The following FLRT2 variants were observed in gnomAD, a reference collection of about 807,000 sequenced individuals.
The protein encoded by FLRT2 is leucine-rich repeat transmembrane protein FLRT2.
Under a neutral mutation model 40.0 loss-of-function variants are expected in FLRT2, and 15 were observed. That is an observed-to-expected ratio of 0.38 (90% CI 0.25 to 0.58). FLRT2 has a LOEUF of 0.58. Among genes scored for constraint, FLRT2 ranks in the 20% least tolerant of loss-of-function variants. The pLI is 0.71. For missense variants in FLRT2, 726 were observed against 840.0 expected (o/e 0.86, Z 1.68); for synonymous variants, 380 against 336.8 (o/e 1.13, Z -1.41).
intron 1 of FLRT2, among the ~76,000 whole-genome samples, chr14:85,545,569 T>G (rs1889233786): frequency 6.6e-6 from 1 of 152,224 alleles, no homozygotes. Flanking sequence ...TCTATATTTG[T>G]CTTTTCGAGT....
At chr14:85,560,325 T>C (rs111750710) in intron 1 of FLRT2, among the ~76,000 whole-genome samples, 31 of 152,194 alleles carry the variant, frequency 2.0e-4, no homozygotes, top group African/African-American at 7.0e-4. Context: ...ATGACTGTAA[T>C]CCCAGCACTT....
In FLRT2 at chr14:85,633,774, T is replaced by C. The variant is rs1023796581; in HGVS notation, c.*10277T>C. On this transcript the variant is annotated 3_prime_UTR_variant, in exon 2 of 2. Transcript: ENST00000330753. ...CTGATTGTGCCACTGCACTCCAGCT[T>C]AGGCAACTGAGCAAGACCCTGTCTC... The C allele has an allele frequency of 6.6e-6, 1 of 150,760 alleles. No individual in the cohort carries two copies. Among genetic ancestry groups the C allele is most frequent in the Non-Finnish European group, 1.5e-5 (1 of 67,806 alleles). The allele number at this position is 150,760 out of a possible 1,614,324, so 9.3% of individuals were successfully genotyped here.
rs112052486 is a variant in FLRT2, at chr14:85,543,358, A to G, written c.-377+12824A>G. 3.9e-3 allele frequency among the ~76,000 whole-genome samples: 594 copies of G among 152,176 alleles called. 4 individuals carry two copies. The highest frequency in any genetic ancestry group is 0.014 in the African/African-American group (575 of 41,528). Reference sequence around the variant, plus strand: ...AAAGTTTTTCTGTGTATTTTGCCACATAGAAAATATTGCTCAATTTAACTC... The same window carrying G: ...AAAGTTTTTCTGTGTATTTTGCCACGTAGAAAATATTGCTCAATTTAACTC... On this transcript the variant is annotated intron_variant, in intron 1 of 1. Transcript: ENST00000330753.
chr14:85,603,372 T>G (rs1457619264), intron 1 of FLRT2, among the ~76,000 whole-genome samples: 2 of 152,178 alleles, frequency 1.3e-5, no homozygotes, highest in Non-Finnish European at 2.9e-5. Context: ...CATGATGCTT[T>G]CTAGAATAAT....
chr14:85,608,633 C>T (rs1308429802), intron 1 of FLRT2, among the ~76,000 whole-genome samples: 2 of 152,152 alleles, frequency 1.3e-5, no homozygotes, highest in African/African-American at 2.4e-5. Flanking sequence ...TAGCAATATT[C>T]GTGAGTTAAG....
Position 85,639,271 on chromosome 14 carries a change from C to T in FLRT2, c.*15774C>T, listed in dbSNP as rs1894087668. 6.6e-6 allele frequency: 1 copy of T among 152,110 alleles called. No individual in the cohort carries two copies. 9.4% of individuals were successfully genotyped at this position (152,110 alleles called of 1,614,324 possible). A position where few individuals can be genotyped will look rare whatever the true frequency, so the allele number is the denominator to read the frequency against. The stretch of plus-strand genomic sequence containing the variant: ...TTGACAAATTCAGTTAACCGGATGG[C>T]AAGTTGTTTATGAGCATGCCTTCTC... On this transcript the variant is annotated 3_prime_UTR_variant, in exon 2 of 2. Coordinates refer to ENST00000330753, the MANE Select transcript of FLRT2 (RefSeq NM_013231.6).
rs1187899129 is a variant in FLRT2, at chr14:85,627,123, C to T, written c.*3626C>T. 1 of 167,050 alleles carries T rather than the reference C, an allele frequency of 6.0e-6. No individual in the cohort carries two copies. The highest frequency in any genetic ancestry group is 6.5e-5 in the Admixed American group (1 of 15,288). 10.3% of individuals were successfully genotyped at this position (167,050 alleles called of 1,614,324 possible). A position where few individuals can be genotyped will look rare whatever the true frequency, so the allele number is the denominator to read the frequency against. ...CTTTGCTTATAGCATTTTTCTCTAA[C>T]CTATAACAAGGAGACATTACATTTT... On this transcript the variant is annotated 3_prime_UTR_variant, in exon 2 of 2. Coordinates refer to ENST00000330753, the MANE Select transcript of FLRT2 (RefSeq NM_013231.6).
chr14:85,603,639 C>A (rs967058261), intron 1 of FLRT2, among the ~76,000 whole-genome samples: 1 of 152,070 alleles, frequency 6.6e-6, no homozygotes, highest in African/African-American at 2.4e-5. Flanking sequence ...GGAGGCTGGG[C>A]GGGCAGATCA....
chr14:85,613,200 C>G (rs1282664053), intron 1 of FLRT2, among the ~76,000 whole-genome samples: 1 of 151,934 alleles, frequency 6.6e-6, no homozygotes, highest in Non-Finnish European at 1.5e-5. Context: ...TGATAGATCA[C>G]GAATACTTAG....
rs1286055134 is a variant in FLRT2 at position 85,626,126 on chromosome 14, C to A, written c.*2629C>A. On this transcript the variant is annotated 3_prime_UTR_variant, in exon 2 of 2. Transcript: ENST00000330753. ...TGGCAAAGACTGCTAAGATTAAAATCCGTCTCCCATTTGTTACAGCCTCAC... is the reference window on the plus strand; with the variant it reads ...TGGCAAAGACTGCTAAGATTAAAATACGTCTCCCATTTGTTACAGCCTCAC... The A allele has an allele frequency of 6.0e-6, 1 of 167,040 alleles. No individual in the cohort carries two copies. Among genetic ancestry groups the A allele is most frequent in the Non-Finnish European group, 1.5e-5 (1 of 68,118 alleles). The allele number at this position is 167,040 out of a possible 1,614,324, so 10.3% of individuals were successfully genotyped here.
chr14:85,624,544 C>G lies in FLRT2; in HGVS notation c.*1047C>G, dbSNP rs1006389088. 1 of 167,018 alleles carries G rather than the reference C, an allele frequency of 6.0e-6. No homozygotes were observed. The highest frequency in any genetic ancestry group is 6.5e-5 in the Admixed American group (1 of 15,282). 10.3% of individuals were successfully genotyped at this position (167,018 alleles called of 1,614,324 possible). On this transcript the variant is annotated 3_prime_UTR_variant, in exon 2 of 2. Transcript: ENST00000330753. ...CTTCCTGCTATTTAGACAAAAACAA[C>G]TGATCAGTGGTTCTGTTATGTCAGC...
At chr14:85,533,899 C>T (rs1888468624) in intron 1 of FLRT2, among the ~76,000 whole-genome samples, 1 of 152,044 alleles carries the variant, frequency 6.6e-6, no homozygotes, top group Non-Finnish European at 1.5e-5. Flanking sequence ...CCGCCGCCAC[C>T]CGGAGGACCC....
intron 1 of FLRT2, among the ~76,000 whole-genome samples, chr14:85,602,204 C>T (rs12894990): frequency 8.4e-4 from 128 of 152,268 alleles, no homozygotes; most frequent in Non-Finnish European, 1.4e-3. Context: ...CATAAATATG[C>T]ATGTATATTA....
chr14:85,640,760 T>C lies in FLRT2; in HGVS notation c.*17263T>C, dbSNP rs1894130872. 1 of 152,050 alleles carries C rather than the reference T, an allele frequency of 6.6e-6. No individual in the cohort carries two copies. The highest frequency in any genetic ancestry group is 2.1e-4 in the South Asian group (1 of 4,826). The allele number at this position is 152,050 out of a possible 1,614,324, so 9.4% of individuals were successfully genotyped here. Reference sequence around the variant, plus strand: ...CCCCTTGAGTAGAACATAGGCCACATAGTGTGGCAAACACATCATTAGAAA... The same window carrying C: ...CCCCTTGAGTAGAACATAGGCCACACAGTGTGGCAAACACATCATTAGAAA... On this transcript the variant is annotated 3_prime_UTR_variant, in exon 2 of 2. Coordinates refer to ENST00000330753, the MANE Select transcript of FLRT2 (RefSeq NM_013231.6).
rs190124860 is a variant in FLRT2, at chr14:85,615,848, G to A, written c.-376-5291G>A. Among the ~76,000 whole-genome samples, 7 of 147,872 alleles carry A rather than the reference G, an allele frequency of 4.7e-5. No individual in the cohort carries two copies. The East Asian group carries it at 9.8e-4, about 21-fold the overall frequency. ...GTTTGTCCTTGTCATTCTATTACGC[G>A]ATTGGCAATGCTTATTGACAATTCT... On this transcript the variant is annotated intron_variant, in intron 1 of 1. Transcript: ENST00000330753.
chr14:85,572,848 C>G (rs569659844), intron 1 of FLRT2, among the ~76,000 whole-genome samples: 1 of 152,210 alleles, frequency 6.6e-6, no homozygotes, highest in South Asian at 2.1e-4. Flanking sequence ...GGCTAAGGGA[C>G]TTAGAGAGTT....
chr14:85,591,972 T>C (rs1891905716), intron 1 of FLRT2, among the ~76,000 whole-genome samples: 1 of 152,192 alleles, frequency 6.6e-6, no homozygotes, highest in Non-Finnish European at 1.5e-5. Flanking sequence ...TATGTCATTG[T>C]TTTAAACACA....
At chr14:85,579,161 G>A (rs1293171559) in intron 1 of FLRT2, among the ~76,000 whole-genome samples, 2 of 152,178 alleles carry the variant, frequency 1.3e-5, no homozygotes, top group African/African-American at 4.8e-5. Flanking sequence ...TGCCTTTGAA[G>A]TCAGTGGGAG....
In FLRT2 at chr14:85,613,706, G is replaced by GTGAGC. The variant is rs1323433520; in HGVS notation, c.-376-7432_-376-7428dup. On this transcript the variant is annotated intron_variant, in intron 1 of 1. Transcript: ENST00000330753. Reference sequence around the variant, plus strand: ...GGCTGTAGGCTCTGGGGAAATAACGGTGAGCGAAAGCAGACCAGCCTGTCT... The same window carrying GTGAGC: ...GGCTGTAGGCTCTGGGGAAATAACGGTGAGCTGAGCGAAAGCAGACCAGCCTGTCT... 2.0e-5 allele frequency among the ~76,000 whole-genome samples: 3 copies of GTGAGC among 152,312 alleles called. No homozygotes were observed. In the East Asian group the frequency reaches 5.8e-4, roughly 29 times the overall value.
Sources: allele counts gnomAD v4.1 joint callset (sites outside exome capture counted in the v4.1 genomes callset), GRCh38; gene constraint gnomAD v4.1.1; transcripts MANE v1.5; gene names NCBI Gene and HGNC (gene_info 2026-07-23, HGNC 2026-07-21).